The following DENND5B variants were observed in gnomAD, a reference collection of about 807,000 sequenced individuals.
DENND5B encodes DENN domain-containing protein 5B.
DENND5B carries 34 observed loss-of-function variants against 140.6 expected under a neutral mutation model. The observed-to-expected ratio is 0.24, with a 90% CI of 0.18 to 0.32. The LOEUF (loss-of-function observed/expected upper bound fraction) is 0.32, where lower values mean the gene tolerates loss of function less well. DENND5B is among the 10% of genes least tolerant of loss of function. DENND5B has a pLI of 1.00. For synonymous variants in DENND5B, 551 were observed against 562.1 expected (o/e 0.98, Z 0.28); for missense variants, 1,142 against 1,560.2 (o/e 0.73, Z 4.52).
intron 1 of DENND5B, among the ~76,000 whole-genome samples, chr12:31,526,277 C>A (rs554284363): frequency 6.6e-6 from 1 of 152,258 alleles, no homozygotes; most frequent in Non-Finnish European, 1.5e-5. Flanking sequence ...TTTACATTTA[C>A]CCATTAAAAT....
intron 1 of DENND5B, among the ~76,000 whole-genome samples, chr12:31,548,299 G>T (rs1466068465): frequency 6.6e-6 from 1 of 151,614 alleles, no homozygotes; most frequent in African/African-American, 2.4e-5. Context: ...GAAAGCTGAG[G>T]TATAGGATCA....
At chr12:31,561,415 G>A (rs1379242694) in intron 1 of DENND5B, among the ~76,000 whole-genome samples, 1 of 152,164 alleles carries the variant, frequency 6.6e-6, no homozygotes, top group Non-Finnish European at 1.5e-5. Context: ...CCTGAGCCCG[G>A]AAGTTCAAGA....
intron 1 of DENND5B, among the ~76,000 whole-genome samples, chr12:31,505,179 A>G (rs1398104195): frequency 6.6e-6 from 1 of 150,826 alleles, no homozygotes; most frequent in Non-Finnish European, 1.5e-5. Flanking sequence ...AACTGTCTAC[A>G]TTGCTTGTTA....
At chr12:31,405,511 CATGTATGTATGTATGTATGTATGTATGT>C (rs55808642) in intron 14 of DENND5B, among the ~76,000 whole-genome samples, 1 of 144,586 alleles carries the variant, frequency 6.9e-6, no homozygotes, top group African/African-American at 2.6e-5. Flanking sequence ...AGCCACCTGC[CATGTATGTATGTATGTATGTATGTATGT>C]ATGTATGTAT....
At position 31,392,257 on chromosome 12, in the gene DENND5B, C is replaced by T; in HGVS notation, c.3466+10G>A. The stretch of plus-strand genomic sequence containing the variant: ...GTGACCTTAATGTAATACACATCTA[C>T]TTTATTTACCTATGAAGTCCCAGAT... On this transcript the variant is annotated intron_variant, in intron 19 of 20. Transcript: ENST00000389082. 6.2e-7 allele frequency: 1 copy of T among 1,613,338 alleles called. No individual in the cohort carries two copies. The highest frequency in any genetic ancestry group is 8.5e-7 in the Non-Finnish European group (1 of 1,179,566).
At chr12:31,565,328 A>C (rs1390402551) in intron 1 of DENND5B, among the ~76,000 whole-genome samples, 1 of 152,338 alleles carries the variant, frequency 6.6e-6, no homozygotes, top group East Asian at 1.9e-4. Context: ...CAGGAGGCAG[A>C]GGTTGCAGTG....
At chr12:31,410,224 C>A (rs1378487102) in intron 13 of DENND5B, among the ~76,000 whole-genome samples, 1 of 152,146 alleles carries the variant, frequency 6.6e-6, no homozygotes, top group Non-Finnish European at 1.5e-5. Flanking sequence ...TTAAACCAAT[C>A]ATACCCCTTG....
intron 8 of DENND5B, among the ~76,000 whole-genome samples, chr12:31,429,378 T>C (rs917821188): frequency 6.6e-6 from 1 of 152,198 alleles, no homozygotes; most frequent in Admixed American, 6.5e-5. Flanking sequence ...TCTATATAAA[T>C]GGTCTGAAGG....
intron 2 of DENND5B, among the ~76,000 whole-genome samples, chr12:31,481,010 T>C (rs1946049087): frequency 6.6e-6 from 1 of 152,078 alleles, no homozygotes; most frequent in Admixed American, 6.5e-5. Context: ...GCACAGAAAA[T>C]TAGAATTGAT....
chr12:31,534,117 A>G (rs1483057155), intron 1 of DENND5B, among the ~76,000 whole-genome samples: 3 of 152,136 alleles, frequency 2.0e-5, no homozygotes, highest in Admixed American at 1.3e-4. Context: ...CTCTTGGATC[A>G]GCACCAAAAA....
intron 11 of DENND5B, among the ~76,000 whole-genome samples, chr12:31,419,448 A>C (rs1181535665): frequency 1.8e-5 from 2 of 108,700 alleles, no homozygotes; most frequent in African/African-American, 2.9e-5. Context: ...CTCCATCTCC[A>C]AAAAAAAAAA....
intron 1 of DENND5B, among the ~76,000 whole-genome samples, chr12:31,519,624 G>T (rs1282048797): frequency 1.3e-5 from 2 of 152,116 alleles, no homozygotes; most frequent in Non-Finnish European, 2.9e-5. Context: ...CAGATCTGTG[G>T]GGCTCACACA....
At chr12:31,589,348 T>G (rs945743464) in intron 1 of DENND5B, among the ~76,000 whole-genome samples, 3 of 152,252 alleles carry the variant, frequency 2.0e-5, no homozygotes, top group African/African-American at 7.2e-5. Context: ...ATTACATAAT[T>G]ACACATACGG....
At chr12:31,440,452 A>G (rs773205051) in intron 7 of DENND5B, among the ~76,000 whole-genome samples, 3 of 152,230 alleles carry the variant, frequency 2.0e-5, no homozygotes, top group Non-Finnish European at 2.9e-5. Context: ...TTCAGTCATT[A>G]GTTATTTGCT....
At chr12:31,493,409 A>G (rs1565634164) in intron 2 of DENND5B, among the ~76,000 whole-genome samples, 1 of 152,186 alleles carries the variant, frequency 6.6e-6, no homozygotes, top group Non-Finnish European at 1.5e-5. Context: ...ATACTAAAAA[A>G]GAGGCCGGGT....
chr12:31,458,626 G>T (rs529036059), intron 4 of DENND5B, among the ~76,000 whole-genome samples: 2 of 152,228 alleles, frequency 1.3e-5, no homozygotes, highest in Non-Finnish European at 2.9e-5. Flanking sequence ...AATTTTTGTG[G>T]GGAAATATTC....
intron 11 of DENND5B, among the ~76,000 whole-genome samples, chr12:31,419,799 T>A (rs1942933503): frequency 6.6e-6 from 1 of 151,640 alleles, no homozygotes; most frequent in Non-Finnish European, 1.5e-5. Context: ...CATGGTGAAC[T>A]CTGTTTCTAC....
At chr12:31,397,585 G>T (rs1412186017) in intron 17 of DENND5B, among the ~76,000 whole-genome samples, 3 of 129,498 alleles carry the variant, frequency 2.3e-5, no homozygotes, top group Admixed American at 8.8e-5. Context: ...GCTAGATATG[G>T]CTATCTGGGA....
At chr12:31,528,369 T>G (rs1948160301) in intron 1 of DENND5B, among the ~76,000 whole-genome samples, 1 of 152,216 alleles carries the variant, frequency 6.6e-6, no homozygotes, top group African/African-American at 2.4e-5. Flanking sequence ...AGGGTGCATG[T>G]GATAGCATTT....
Sources: gnomAD v4.1 joint callset for allele counts (sites outside exome capture counted in the v4.1 genomes callset) on GRCh38, gnomAD v4.1.1 for gene constraint, MANE v1.5 for transcripts, NCBI Gene and HGNC (gene_info 2026-07-23, HGNC 2026-07-21) for gene names.